DLGAP2: variants seen among roughly 807,000 people sequenced by gnomAD.
DLGAP2 encodes the protein DLG associated protein 2.
In DLGAP2, 26 loss-of-function variants were observed where a neutral mutation model predicts 100.3. The ratio of observed to expected loss-of-function variants is 0.26; its 90% confidence interval spans 0.19 to 0.36. DLGAP2 has a LOEUF of 0.36. Among genes scored for constraint, DLGAP2 ranks in the 10% least tolerant of loss-of-function variants. The pLI, the probability that DLGAP2 is intolerant of heterozygous loss-of-function variation, is 1.00. For missense variants in DLGAP2, 1,858 were observed against 1,453.2 expected (o/e 1.28, Z -4.53); for synonymous variants, 886 against 630.1 (o/e 1.41, Z -6.08).
At chr8:1,245,740 G>T (rs1798889025) in intron 2 of DLGAP2, among the ~76,000 whole-genome samples, 1 of 152,168 alleles carries the variant, frequency 6.6e-6, no homozygotes, top group Non-Finnish European at 1.5e-5. Flanking sequence ...AATGATATCT[G>T]AATAAAGCTG....
intron 6 of DLGAP2, among the ~76,000 whole-genome samples, chr8:1,616,966 T>A (rs1797175140): frequency 1.3e-5 from 2 of 152,226 alleles, no homozygotes; most frequent in African/African-American, 4.8e-5. Flanking sequence ...CTCCCACTTA[T>A]AAGGGAGAAC....
chr8:866,200 C>G (rs1004351626), intron 1 of DLGAP2, among the ~76,000 whole-genome samples: 2 of 152,280 alleles, frequency 1.3e-5, no homozygotes, highest in African/African-American at 4.8e-5. Flanking sequence ...CCTGACACCC[C>G]GCGCCTGGCC....
chr8:1,237,872 C>T (rs1195017257), intron 2 of DLGAP2, among the ~76,000 whole-genome samples: 1 of 10,394 alleles, frequency 9.6e-5, no homozygotes, highest in Non-Finnish European at 1.9e-4. Flanking sequence ...CACATGGCGC[C>T]GTGTCTAGTT....
chr8:1,298,342 A>G (rs1331507104), intron 3 of DLGAP2, among the ~76,000 whole-genome samples: 5 of 152,326 alleles, frequency 3.3e-5, no homozygotes, highest in African/African-American at 1.2e-4. Context: ...TGCAGCCTAC[A>G]GAGGCCGCGT....
chr8:959,207 TAA>T (rs1799665560), intron 2 of DLGAP2, among the ~76,000 whole-genome samples: 1 of 152,196 alleles, frequency 6.6e-6, no homozygotes, highest in African/African-American at 2.4e-5. Context: ...AAAAGACATG[TAA>T]AAGAGTGAGT....
intron 3 of DLGAP2, among the ~76,000 whole-genome samples, chr8:1,332,204 G>T (rs1801172924): frequency 1.3e-5 from 2 of 152,140 alleles, no homozygotes; most frequent in Non-Finnish European, 2.9e-5. Flanking sequence ...TTTGCATTGT[G>T]TGCTTGTGAT....
chr8:900,586 T>TC (rs1250064961), intron 1 of DLGAP2, among the ~76,000 whole-genome samples: 9 of 152,128 alleles, frequency 5.9e-5, no homozygotes. Context: ...CATCAGAATT[T>TC]CCCCCGGTTC....
intron 2 of DLGAP2, among the ~76,000 whole-genome samples, chr8:1,188,140 G>A (rs567068751): frequency 1.4e-4 from 18 of 124,744 alleles, no homozygotes; most frequent in East Asian, 5.0e-4. Context: ...AATCTCGCAC[G>A]CCCGGGACTT....
At chr8:816,073 C>T (rs1796471127) in intron 1 of DLGAP2, among the ~76,000 whole-genome samples, 1 of 152,138 alleles carries the variant, frequency 6.6e-6, no homozygotes, top group Admixed American at 6.6e-5. Context: ...ATTTCTTCCA[C>T]CCCTTTATTT....
chr8:1,564,869 A>G (rs1395561055), intron 5 of DLGAP2, among the ~76,000 whole-genome samples: 1 of 152,178 alleles, frequency 6.6e-6, no homozygotes, highest in Admixed American at 6.5e-5. Flanking sequence ...CCACACAGAT[A>G]TGTAACATTC....
intron 1 of DLGAP2, among the ~76,000 whole-genome samples, chr8:803,461 C>G (rs1199927492): frequency 6.6e-6 from 1 of 151,922 alleles, no homozygotes; most frequent in Non-Finnish European, 1.5e-5. Context: ...TTGAGGCCAC[C>G]TCTACTCTAG....
intron 14 of DLGAP2, among the ~76,000 whole-genome samples, chr8:1,700,861 C>G (rs1170105565): frequency 6.6e-6 from 1 of 152,234 alleles, no homozygotes; most frequent in Non-Finnish European, 1.5e-5. Flanking sequence ...GCGCAGGAAT[C>G]GGGCGACAAT....
At chr8:1,586,655 C>T (rs1445802217) in intron 6 of DLGAP2, among the ~76,000 whole-genome samples, 5 of 152,196 alleles carry the variant, frequency 3.3e-5, no homozygotes, top group East Asian at 1.9e-4. Context: ...GTCAGAGTCC[C>T]GCCTGCAGAG....
rs888893689 is a variant in DLGAP2 at position 857,955 on chromosome 8, C to G, written c.19-49957C>G. ...GTGTGATCTCGGCTCACTGCAGCCT[C>G]TGTCTCCTGGATTCAAGTGATTCTT... On this transcript the variant is annotated intron_variant, in intron 1 of 14. Transcript: ENST00000637795. Among the ~76,000 whole-genome samples the G allele has an allele frequency of 2.6e-5, 4 of 151,678 alleles. 1 individual carries two copies. The South Asian group carries it at 6.2e-4, about 24-fold the overall frequency.
At chr8:1,672,606 C>T (rs569476123) in intron 10 of DLGAP2, among the ~76,000 whole-genome samples, 56 of 152,314 alleles carry the variant, frequency 3.7e-4, no homozygotes, top group African/African-American at 1.3e-3. Context: ...CTGCGGCTGT[C>T]CATTCTGAAT....
intron 3 of DLGAP2, among the ~76,000 whole-genome samples, chr8:1,493,079 G>T (rs1245357081): frequency 6.6e-6 from 1 of 152,208 alleles, no homozygotes; most frequent in South Asian, 2.1e-4. Flanking sequence ...AAGTCCAGGA[G>T]GATCTGGGCA....
At chr8:1,152,054 A>T (rs1306663889) in intron 2 of DLGAP2, among the ~76,000 whole-genome samples, 1 of 152,354 alleles carries the variant, frequency 6.6e-6, no homozygotes, top group East Asian at 1.9e-4. Flanking sequence ...TTAGAAGATG[A>T]CAACTATATT....
intron 13 of DLGAP2, among the ~76,000 whole-genome samples, chr8:1,693,137 C>T (rs1301031031): frequency 7.8e-6 from 1 of 127,910 alleles, no homozygotes; most frequent in Non-Finnish European, 1.6e-5. Flanking sequence ...TAAACATTAA[C>T]ATATAACAAA....
intron 2 of DLGAP2, among the ~76,000 whole-genome samples, chr8:1,104,252 T>C (rs961507752): frequency 6.6e-6 from 1 of 151,654 alleles, no homozygotes; most frequent in Admixed American, 6.6e-5. Flanking sequence ...CACTGGATAG[T>C]GGAGGGAGGG....
Sources: allele counts gnomAD v4.1 joint callset (sites outside exome capture counted in the v4.1 genomes callset), GRCh38; gene constraint gnomAD v4.1.1; transcripts MANE v1.5; gene names NCBI Gene and HGNC (gene_info 2026-07-23, HGNC 2026-07-21).